TMEM108: variants seen among roughly 807,000 people sequenced by gnomAD.
TMEM108 encodes cancer/testis antigen 124.
TMEM108 carries 12 observed loss-of-function variants against 35.1 expected under a neutral mutation model. The ratio of observed to expected loss-of-function variants is 0.34; its 90% CI spans 0.22 to 0.55. The LOEUF is 0.55. Among genes scored for constraint, TMEM108 ranks in the 20% least tolerant of loss-of-function variants. The pLI, the probability that TMEM108 is intolerant of heterozygous loss-of-function variation, is 0.89. For missense variants in TMEM108, 680 were observed against 753.3 expected (o/e 0.90, Z 1.14); for synonymous variants, 287 against 308.6 (o/e 0.93, Z 0.73).
At chr3:133,039,929 TC>T (rs1163806997) in intron 1 of TMEM108, among the ~76,000 whole-genome samples, 1 of 152,152 alleles carries the variant, frequency 6.6e-6, no homozygotes, top group Non-Finnish European at 1.5e-5. Flanking sequence ...TGCCAAGAAT[TC>T]AGTTTACTAG....
intron 2 of TMEM108, among the ~76,000 whole-genome samples, chr3:133,079,473 C>G (rs1009496963): frequency 3.9e-5 from 6 of 152,148 alleles, no homozygotes; most frequent in African/African-American, 1.4e-4. Flanking sequence ...CAAGCTGATT[C>G]AATATCTGAT....
At chr3:133,130,615 C>T (rs1404338099) in intron 2 of TMEM108, among the ~76,000 whole-genome samples, 1 of 152,224 alleles carries the variant, frequency 6.6e-6, no homozygotes, top group Non-Finnish European at 1.5e-5. Flanking sequence ...CAGCATCACT[C>T]CACTATGTTC....
At chr3:133,255,966 G>T (rs942711321) in intron 3 of TMEM108, among the ~76,000 whole-genome samples, 1 of 152,192 alleles carries the variant, frequency 6.6e-6, no homozygotes, top group African/African-American at 2.4e-5. Flanking sequence ...TCCAGCCTCT[G>T]CACTGGCTGA....
At position 133,390,358 on chromosome 3, in the gene TMEM108, C is replaced by A. The variant is rs761732505; in HGVS notation, c.1605+24C>A. 39 of 1,611,950 alleles carry A rather than the reference C, an allele frequency of 2.4e-5. No individual in the cohort carries two copies. The South Asian group carries it at 4.3e-4, about 18-fold the overall frequency. On this transcript the variant is annotated intron_variant, in intron 5 of 5. Coordinates refer to ENST00000321871, the MANE Select transcript of TMEM108 (RefSeq NM_023943.4). The stretch of plus-strand genomic sequence containing the variant: ...AGGTAATGAGCTTGAAAGTGCTGGC[C>A]CCACTGCAGGGAAACCAGGTCCAAA...
At chr3:133,204,740 A>T (rs889502078) in intron 2 of TMEM108, among the ~76,000 whole-genome samples, 17 of 152,180 alleles carry the variant, frequency 1.1e-4, no homozygotes, top group Non-Finnish European at 2.9e-5. Flanking sequence ...CAATTTTAGA[A>T]TAAGTGTGAT....
In TMEM108 at chr3:133,255,008, T is replaced by C. The variant is rs576419744; in HGVS notation, c.40+25657T>C. Among the ~76,000 whole-genome samples the C allele has an allele frequency of 1.9e-3, 297 of 152,324 alleles. 3 individuals carry two copies. Among genetic ancestry groups the C allele is most frequent in the Non-Finnish European group, 1.7e-3 (119 of 68,038 alleles). On this transcript the variant is annotated intron_variant, in intron 3 of 5. Coordinates refer to ENST00000321871, the MANE Select transcript of TMEM108 (RefSeq NM_023943.4). ...GTGGCCTCTCCATGTGGCCTTGACT[T>C]CTTCACAGTATGTTAATTGGTTCCC...
chr3:133,303,585 T>C (rs1044913864), intron 3 of TMEM108, among the ~76,000 whole-genome samples: 1 of 152,200 alleles, frequency 6.6e-6, no homozygotes, highest in African/African-American at 2.4e-5. Context: ...TCATTGTTTA[T>C]TCATTACTCA....
chr3:133,346,783 T>A lies in TMEM108; in HGVS notation c.41-32969T>A, dbSNP rs1329621104. ...AAGTTCTATAGTTTTGCATTTTACA[T>A]TTAGGTCTATGACCCATGTTGAGTT... On this transcript the variant is annotated intron_variant, in intron 3 of 5. Transcript: ENST00000321871. The surrounding 1 kb of genome is among the most constrained non-coding windows in gnomAD (Gnocchi z 4.0). 6.6e-6 allele frequency among the ~76,000 whole-genome samples: 1 copy of A among 152,102 alleles called. No individual in the cohort carries two copies. Among genetic ancestry groups the A allele is most frequent in the Admixed American group, 6.6e-5 (1 of 15,254 alleles).
chr3:133,087,268 C>T (rs1156932302), intron 2 of TMEM108, among the ~76,000 whole-genome samples: 3 of 152,202 alleles, frequency 2.0e-5, no homozygotes, highest in South Asian at 4.1e-4. Flanking sequence ...TAACTGCTAC[C>T]TCTGGGAGTT....
At chr3:133,162,514 C>G (rs2107780379) in intron 2 of TMEM108, among the ~76,000 whole-genome samples, 1 of 152,190 alleles carries the variant, frequency 6.6e-6, no homozygotes, top group East Asian at 1.9e-4. Flanking sequence ...GTGTCCTGGT[C>G]ACTTTTTATC....
chr3:133,263,511 C>G (rs1483271758), intron 3 of TMEM108, among the ~76,000 whole-genome samples: 1 of 152,172 alleles, frequency 6.6e-6, no homozygotes, highest in African/African-American at 2.4e-5. Flanking sequence ...GTTCCCTGAC[C>G]TGTTGGAAAG....
intron 2 of TMEM108, among the ~76,000 whole-genome samples, chr3:133,159,613 G>A (rs769401235): frequency 6.6e-6 from 1 of 152,186 alleles, no homozygotes; most frequent in African/African-American, 2.4e-5. Flanking sequence ...GCCAGGGACT[G>A]TTCCACATGT....
At chr3:133,274,900 A>G (rs77524614) in intron 3 of TMEM108, among the ~76,000 whole-genome samples, 2,532 of 151,958 alleles carry the variant, frequency 0.017, 89 homozygotes, top group African/African-American at 0.058. Context: ...TGATGAAGGA[A>G]CTTACCTCAG....
chr3:133,043,704 C>T (rs1262160557), intron 1 of TMEM108, among the ~76,000 whole-genome samples: 1 of 152,072 alleles, frequency 6.6e-6, no homozygotes, highest in Non-Finnish European at 1.5e-5. Flanking sequence ...TAGTACACCT[C>T]ATGTTCAACT....
At chr3:133,156,064 T>TTTATTTATTTATTTA (rs1944876726) in intron 2 of TMEM108, among the ~76,000 whole-genome samples, 1 of 146,084 alleles carries the variant, frequency 6.8e-6, no homozygotes, top group African/African-American at 2.5e-5. Flanking sequence ...TTATTTTTTC[T>TTTATTTATTTATTTA]TTTATTTATT....
chr3:133,211,746 GC>G (rs931193264), intron 2 of TMEM108, among the ~76,000 whole-genome samples: 10 of 152,098 alleles, frequency 6.6e-5, no homozygotes, highest in African/African-American at 2.4e-4. Context: ...CTCAACAAAT[GC>G]AAATAGACTC....
chr3:133,144,645 T>C (rs1025349504), intron 2 of TMEM108, among the ~76,000 whole-genome samples: 1 of 151,830 alleles, frequency 6.6e-6, no homozygotes, highest in Non-Finnish European at 1.5e-5. Context: ...TTGTTTCCTT[T>C]TTAATGATCG....
At chr3:133,163,240 T>C (rs1944986769) in intron 2 of TMEM108, among the ~76,000 whole-genome samples, 1 of 152,158 alleles carries the variant, frequency 6.6e-6, no homozygotes, top group Non-Finnish European at 1.5e-5. Flanking sequence ...CTTCTTGCCT[T>C]ACTTTCTTTT....
intron 3 of TMEM108, among the ~76,000 whole-genome samples, chr3:133,318,712 T>C (rs928926328): frequency 2.2e-4 from 33 of 152,210 alleles, no homozygotes; most frequent in African/African-American, 7.7e-4. Flanking sequence ...AAATAACATA[T>C]AGATTAAAAA....
Sources: gnomAD v4.1 joint callset for allele counts (sites outside exome capture counted in the v4.1 genomes callset) on GRCh38, gnomAD v4.1.1 for gene constraint, Gnocchi (gnomAD v3.1) non-coding constraint, MANE v1.5 for transcripts, NCBI Gene and HGNC (gene_info 2026-07-23, HGNC 2026-07-21) for gene names.